RPUSD4: variants seen among roughly 807,000 people sequenced by gnomAD.
RPUSD4 encodes pseudouridylate synthase RPUSD4, mitochondrial.
Under a neutral mutation model 35.4 loss-of-function variants are expected in RPUSD4, and 37 were observed. That is an observed-to-expected ratio of 1.04 (90% confidence interval 0.80 to 1.37). The LOEUF is 1.37. Among genes scored for constraint, RPUSD4 ranks in the 40% most tolerant of loss-of-function variants. The probability of loss-of-function intolerance (pLI) is 0.00; values close to 1 mark genes in which losing one functional copy is unlikely to be tolerated. For synonymous variants in RPUSD4, 210 were observed against 192.7 expected (o/e 1.09, Z -0.74); for missense variants, 507 against 484.9 (o/e 1.05, Z -0.43).
In RPUSD4 at chr11:126,211,560, C is replaced by G; in HGVS notation, c.79G>C (p.Val27Leu). ...GCAGCGGCACAAAATGGCTTTGAGA[C>G]GAGAGTGAAGAGACTCCCGCAACCT... The part of the protein sequence containing the change: ...GQGCGSLFTL[V>L]SKPFCAAAAA... The change falls in exon 1 of 7, where the codon GTC (valine) becomes CTC (leucine). Residue 27 changes from valine to leucine, a missense_variant. Val to Leu is a conservative substitution (Grantham distance 32). Coordinates refer to ENST00000298317, the MANE Select transcript of RPUSD4 (RefSeq NM_032795.3). 1 of 1,614,210 alleles carries G rather than the reference C, an allele frequency of 6.2e-7. No individual in the cohort carries two copies. Among genetic ancestry groups the G allele is most frequent in the Non-Finnish European group, 8.5e-7 (1 of 1,180,042 alleles).
chr11:126,211,534 G>C lies in RPUSD4; in HGVS notation c.105C>G (p.Ala35=). The change falls in exon 1 of 7, where the codon GCC becomes GCG. Residue 35 remains alanine (A), a synonymous_variant. Transcript: ENST00000298317. The part of the protein sequence containing the change: ...TLVSKPFCAA[A]AASTAINAQR... ...GGGCATTTATGGCCGTAGAGGCAGC[G>C]GCAGCGGCACAAAATGGCTTTGAGA... 1 of 1,614,244 alleles carries C rather than the reference G, an allele frequency of 6.2e-7. No homozygotes were observed. Among genetic ancestry groups the C allele is most frequent in the Non-Finnish European group, 8.5e-7 (1 of 1,180,050 alleles).
In RPUSD4 at chr11:126,205,711, G is replaced by C. The variant is rs774777560; in HGVS notation, c.628C>G (p.Gln210Glu). 3.1e-6 allele frequency: 5 copies of C among 1,613,524 alleles called. No homozygotes were observed. The highest frequency in any genetic ancestry group is 4.2e-6 in the Non-Finnish European group (5 of 1,179,596). Residue 210 changes from glutamine to glutamate, a missense_variant, in exon 4 of 7, where the codon CAA (glutamine) becomes GAA (glutamate). Coordinates refer to ENST00000298317, the MANE Select transcript of RPUSD4 (RefSeq NM_032795.3). The part of the protein sequence containing the change: ...VDIPIVEKEA[Q>E]GQQQHHKMTL... ...ACCTTGTGGTGTTGCTGCTGGCCTTGCGCCTCCTTCTCCACAATGGGGATG... is the reference window on the plus strand; with the variant it reads ...ACCTTGTGGTGTTGCTGCTGGCCTTCCGCCTCCTTCTCCACAATGGGGATG...
At chr11:126,205,408 T>C in intron 5 of RPUSD4, 60 bp downstream of exon 5, 5 of 1,604,906 alleles carry the variant, frequency 3.1e-6, no homozygotes, top group Non-Finnish European at 4.3e-6. Context: ...AACGAGGCCC[T>C]GGACAAAACC....
intron 1 of RPUSD4, 191 bp from the exon 2 acceptor site, chr11:126,211,246 A>G: frequency 1.1e-6 from 1 of 897,262 alleles, no homozygotes; most frequent in Admixed American, 2.5e-5. Flanking sequence ...GTTAGGACTG[A>G]GCCTGACAGT....
intron 3 of RPUSD4, chr11:126,208,573 G>A (rs1949799741): frequency 6.6e-6 from 1 of 152,276 alleles, no homozygotes; most frequent in South Asian, 2.1e-4. Flanking sequence ...AAACCTCTAT[G>A]TGCTAACACA....
Position 126,204,249 on chromosome 11 carries a change from C to T in RPUSD4, c.876G>A (p.Trp292Ter). ...PILGDHKYSD[W>*]NRLAPQKLSV... is the part of the protein sequence containing the mutation. ...GTATTACCTGGGGGGCCAACCTATT[C>T]CAGTCTGAGTACTTGTGATCACCAA... The change falls in exon 6 of 7, where the codon TGG (tryptophan) becomes TGA (stop). Residue 292 changes from tryptophan to a stop codon, truncating the protein, a stop_gained. Transcript: ENST00000298317. LOFTEE classifies it low-confidence loss of function (END_TRUNC). The T allele has an allele frequency of 6.2e-7, 1 of 1,613,482 alleles. No homozygotes were observed. Among genetic ancestry groups the T allele is most frequent in the Non-Finnish European group, 8.5e-7 (1 of 1,179,676 alleles).
intron 2 of RPUSD4, among the ~76,000 whole-genome samples, chr11:126,210,655 G>T (rs1435445535): frequency 1.3e-5 from 2 of 151,716 alleles, no homozygotes; most frequent in Non-Finnish European, 2.9e-5. Context: ...GATCCCTGTA[G>T]TCTGCACACA....
At chr11:126,211,201 A>T in intron 1 of RPUSD4, 146 bp from the exon 2 acceptor site, 1 of 1,030,734 alleles carries the variant, frequency 9.7e-7, no homozygotes, top group Non-Finnish European at 1.4e-6. Context: ...GAGAGCAGAG[A>T]TACCCATCTG....
In RPUSD4 at chr11:126,211,434, G is replaced by A. The variant is rs1453181685; in HGVS notation, c.189+16C>T. 3 of 1,603,384 alleles carry A rather than the reference G, an allele frequency of 1.9e-6. No homozygotes were observed. Among genetic ancestry groups the A allele is most frequent in the Admixed American group, 3.4e-5 (2 of 58,302 alleles). The stretch of plus-strand genomic sequence containing the variant: ...AGCGCACTGCCTCTAGGGAGTTCTG[G>A]TCCCTTTGGACTCACCGGCTCCTTC... On this transcript the variant is annotated intron_variant, in intron 1 of 6. Transcript: ENST00000298317.
intron 2 of RPUSD4, among the ~76,000 whole-genome samples, chr11:126,210,688 T>C (rs1037729013): frequency 1.3e-5 from 2 of 152,122 alleles, no homozygotes; most frequent in Admixed American, 6.6e-5. Context: ...AATTGCTTAC[T>C]GTCAGATGTT....
At chr11:126,206,108 T>A (rs184616429) in intron 3 of RPUSD4, 20 of 190,934 alleles carry the variant, frequency 1.0e-4, no homozygotes, top group Non-Finnish European at 2.0e-4. Flanking sequence ...TATAGTTTTG[T>A]ATTTTTTTTC....
Position 126,211,475 on chromosome 11 carries a change from C to G in RPUSD4, c.164G>C (p.Arg55Pro). ...RLAEKLRAQK[R>P]EQDTKKEPVS... ...CGGCTCCTTCTTTGTGTCTTGTTCCCGTTTCTGGGCTCGGAGCTTCTCCGC... is the reference window on the plus strand; with the variant it reads ...CGGCTCCTTCTTTGTGTCTTGTTCCGGTTTCTGGGCTCGGAGCTTCTCCGC... The change falls in exon 1 of 7, where the codon CGG becomes CCG. Residue 55 changes from arginine (R) to proline (P), a missense_variant. Arg to Pro is a moderately radical substitution (Grantham distance 103). Transcript: ENST00000298317. 3 of 1,613,818 alleles carry G rather than the reference C, an allele frequency of 1.9e-6. No individual in the cohort carries two copies. In the South Asian group the frequency reaches 3.3e-5, roughly 18 times the overall value.
chr11:126,204,475 A>G (rs1949748261), intron 5 of RPUSD4, 147 bp from the exon 6 acceptor site: 1 of 596,346 alleles, frequency 1.7e-6, no homozygotes, highest in Non-Finnish European at 2.9e-6. Context: ...CGAATAATAT[A>G]GCAAACTATA....
At chr11:126,205,649 A>G in intron 4 of RPUSD4, 37 bp from the exon 5 acceptor site, 1 of 1,613,632 alleles carries the variant, frequency 6.2e-7, no homozygotes. Flanking sequence ...TTCCCAAGGA[A>G]GAGCAGCAAC....
rs761022466 is a variant in RPUSD4, at chr11:126,211,616, G to T, written c.23C>A (p.Ala8Glu). The change falls in exon 1 of 7, where the codon GCG becomes GAG. Residue 8 changes from alanine to glutamate, a missense_variant. Coordinates refer to ENST00000298317, the MANE Select transcript of RPUSD4 (RefSeq NM_032795.3). Reference sequence around the variant, plus strand: ...GTTTCCCCGGATCCAGGGGCCCGACGCGCTCCACCTGGGCGCCGCCATCTT... The same window carrying T: ...GTTTCCCCGGATCCAGGGGCCCGACTCGCTCCACCTGGGCGCCGCCATCTT... MAAPRWS[A>E]SGPWIRGNGQ... 6 of 1,613,506 alleles carry T rather than the reference G, an allele frequency of 3.7e-6. No individual in the cohort carries two copies. In the Admixed American group the frequency reaches 1.0e-4, roughly 27 times the overall value.
intron 2 of RPUSD4, 132 bp from the exon 3 acceptor site, chr11:126,209,854 A>G (rs1949822835): frequency 1.4e-6 from 1 of 727,720 alleles, no homozygotes; most frequent in South Asian, 1.8e-5. Flanking sequence ...TGTGGTCCAG[A>G]GACTAGCAAC....
rs1949728561 is a variant in RPUSD4, at chr11:126,202,974, T to C, written c.*444A>G. ...ACACTATAGCTGGGCAATCCCTGGA[T>C]GCTGTGATATTTGTTAACCATTATG... is the stretch of plus-strand genomic sequence containing the variant. On this transcript the variant is annotated 3_prime_UTR_variant, in exon 7 of 7. Transcript: ENST00000298317. 5.7e-6 allele frequency: 1 copy of C among 174,872 alleles called. No individual in the cohort carries two copies. Among genetic ancestry groups the C allele is most frequent in the African/African-American group, 2.4e-5 (1 of 42,234 alleles). 10.8% of individuals were successfully genotyped at this position (174,872 alleles called of 1,614,324 possible).
chr11:126,211,264 G>A (rs1042619825), intron 1 of RPUSD4, 186 bp downstream of exon 1: 3 of 907,024 alleles, frequency 3.3e-6, no homozygotes, highest in Middle Eastern at 3.5e-4. Flanking sequence ...AGTAGCCAAA[G>A]ATCCAGCTCA....
chr11:126,203,721 A>C, intron 6 of RPUSD4, 64 bp from the exon 7 acceptor site: 1 of 1,553,526 alleles, frequency 6.4e-7, no homozygotes, highest in Admixed American at 1.8e-5. Flanking sequence ...CGAACATGCA[A>C]GGTCAGGGCA....
Sources: gnomAD v4.1 joint callset for allele counts (sites outside exome capture counted in the v4.1 genomes callset) on GRCh38, gnomAD v4.1.1 for gene constraint, MANE v1.5 for transcripts, NCBI Gene and HGNC (gene_info 2026-07-23, HGNC 2026-07-21) for gene names.